The following CSMD1 variants were observed in gnomAD, a reference collection of about 807,000 sequenced individuals.
CSMD1 encodes the protein CUB and sushi domain-containing protein 1.
A neutral mutation model predicts 417.5 loss-of-function variants in CSMD1; 213 were observed. The observed-to-expected ratio is 0.51, with a 90% CI of 0.46 to 0.57. The LOEUF (loss-of-function observed/expected upper bound fraction) is 0.57. Among genes scored for constraint, CSMD1 ranks in the 20% least tolerant of loss-of-function variants. The pLI, the probability that CSMD1 is intolerant of heterozygous loss-of-function variation, is 0.00. For synonymous variants in CSMD1, 2,862 were observed against 1,736.8 expected (o/e 1.65, Z -16.11); for missense variants, 6,923 against 4,529.7 (o/e 1.53, Z -15.17).
chr8:4,956,241 C>G (rs1276913264), intron 1 of CSMD1, among the ~76,000 whole-genome samples: 1 of 138,446 alleles, frequency 7.2e-6, no homozygotes, highest in Admixed American at 7.0e-5. Flanking sequence ...GCCCTCCTTA[C>G]TCGCTATTTT....
At chr8:3,378,255 T>G (rs1403801054) in intron 18 of CSMD1, among the ~76,000 whole-genome samples, 1 of 152,116 alleles carries the variant, frequency 6.6e-6, no homozygotes, top group African/African-American at 2.4e-5. Flanking sequence ...AAGCAGTAAT[T>G]AATAGCCTAC....
At chr8:4,201,441 G>C (rs929336649) in intron 3 of CSMD1, among the ~76,000 whole-genome samples, 2 of 150,708 alleles carry the variant, frequency 1.3e-5, no homozygotes, top group East Asian at 2.0e-4. Context: ...AGGAGGCTGA[G>C]GCAGGAGAAT....
At position 4,739,438 on chromosome 8, in the gene CSMD1, G is replaced by C. The variant is rs530732433; in HGVS notation, c.86-101880C>G. ...ACCTCCCAACTCTCTACAATATAAA[G>C]AGAAAAGGTCATGTGAATATTATCT... is the stretch of plus-strand genomic sequence containing the variant. On this transcript the variant is annotated intron_variant, in intron 1 of 69. Transcript: ENST00000635120. 1.3e-4 allele frequency among the ~76,000 whole-genome samples: 20 copies of C among 152,276 alleles called. No individual in the cohort carries two copies. The South Asian group carries it at 3.9e-3, about 30-fold the overall frequency.
chr8:3,951,519 T>G (rs540181200), intron 5 of CSMD1, among the ~76,000 whole-genome samples: 1 of 152,164 alleles, frequency 6.6e-6, no homozygotes, highest in African/African-American at 2.4e-5. Context: ...GCCCCAGAAA[T>G]TAACCATGTA....
At chr8:3,186,164 G>GTGT (rs535913969) in intron 36 of CSMD1, among the ~76,000 whole-genome samples, 1 of 150,934 alleles carries the variant, frequency 6.6e-6, no homozygotes, top group Non-Finnish European at 1.5e-5. Context: ...ATTTTAACTT[G>GTGT]TGTTGTTGTT....
At chr8:4,015,983 A>T (rs547673513) in intron 4 of CSMD1, among the ~76,000 whole-genome samples, 55 of 152,314 alleles carry the variant, frequency 3.6e-4, no homozygotes, top group African/African-American at 1.3e-3. Flanking sequence ...GTAGAAAAGC[A>T]CCAAGTCAGA....
intron 5 of CSMD1, among the ~76,000 whole-genome samples, chr8:3,792,779 C>T (rs1799823090): frequency 6.6e-6 from 1 of 152,192 alleles, no homozygotes; most frequent in African/African-American, 2.4e-5. Flanking sequence ...CATGCTCTCT[C>T]TCACAATTTA....
intron 20 of CSMD1, among the ~76,000 whole-genome samples, chr8:3,360,706 C>G (rs1199378328): frequency 6.6e-6 from 1 of 152,086 alleles, no homozygotes; most frequent in African/African-American, 2.4e-5. Context: ...GAAAACTATG[C>G]TAATCTTTCT....
intron 49 of CSMD1, among the ~76,000 whole-genome samples, chr8:3,068,798 T>C (rs1366847649): frequency 1.3e-5 from 2 of 152,230 alleles, no homozygotes; most frequent in East Asian, 3.9e-4. Flanking sequence ...TCCACCCCCA[T>C]GATCCAAACA....
intron 1 of CSMD1, among the ~76,000 whole-genome samples, chr8:4,892,002 C>G (rs1379115110): frequency 6.6e-6 from 1 of 152,018 alleles, no homozygotes; most frequent in East Asian, 1.9e-4. Context: ...AGCTCTTAAA[C>G]ACTGTAATGA....
At chr8:4,461,579 A>G (rs1799822284) in intron 2 of CSMD1, among the ~76,000 whole-genome samples, 1 of 149,958 alleles carries the variant, frequency 6.7e-6, no homozygotes, top group Non-Finnish European at 1.5e-5. Flanking sequence ...TGGGGGATAC[A>G]TCATCCCGTT....
chr8:4,586,298 T>G (rs1799696544), intron 2 of CSMD1, among the ~76,000 whole-genome samples: 1 of 152,218 alleles, frequency 6.6e-6, no homozygotes, highest in Non-Finnish European at 1.5e-5. Context: ...CATTCCCAAT[T>G]TTTCCCCAGG....
chr8:3,405,102 G>C (rs184258462), intron 15 of CSMD1, among the ~76,000 whole-genome samples: 245 of 152,210 alleles, frequency 1.6e-3, no homozygotes, highest in Non-Finnish European at 1.5e-3. Flanking sequence ...GGAAATGCCA[G>C]TTTCTACATA....
chr8:4,968,572 C>G (rs531733091), intron 1 of CSMD1, among the ~76,000 whole-genome samples: 1 of 151,858 alleles, frequency 6.6e-6, no homozygotes, highest in African/African-American at 2.4e-5. Flanking sequence ...TTTTCCGGGC[C>G]TGAACCAAAG....
chr8:4,694,100 A>C (rs1266529130), intron 1 of CSMD1, among the ~76,000 whole-genome samples: 1 of 152,214 alleles, frequency 6.6e-6, no homozygotes, highest in Non-Finnish European at 1.5e-5. Context: ...CTTCTAAGAT[A>C]AAAATTGCTA....
chr8:4,411,888 C>A (rs545514826), intron 3 of CSMD1, among the ~76,000 whole-genome samples: 2 of 151,988 alleles, frequency 1.3e-5, no homozygotes, highest in South Asian at 4.2e-4. Flanking sequence ...ATGTACCATG[C>A]ACATCTTCTG....
intron 1 of CSMD1, among the ~76,000 whole-genome samples, chr8:4,988,929 G>A (rs1404007217): frequency 6.6e-6 from 1 of 151,972 alleles, no homozygotes; most frequent in Non-Finnish European, 1.5e-5. Context: ...TCCTGTAAAG[G>A]GAATTTTAAT....
At chr8:3,401,454 T>C (rs1039062361) in intron 15 of CSMD1, among the ~76,000 whole-genome samples, 5 of 152,182 alleles carry the variant, frequency 3.3e-5, no homozygotes, top group Admixed American at 6.5e-5. Context: ...CCTGATGAAA[T>C]AGACACTTTA....
chr8:4,696,780 A>G (rs1183834456), intron 1 of CSMD1, among the ~76,000 whole-genome samples: 1 of 152,230 alleles, frequency 6.6e-6, no homozygotes, highest in Non-Finnish European at 1.5e-5. Flanking sequence ...GAAGGACTGC[A>G]TCAGTGAATG....
Sources: allele counts gnomAD v4.1 joint callset (sites outside exome capture counted in the v4.1 genomes callset), GRCh38; gene constraint gnomAD v4.1.1; transcripts MANE v1.5; gene names NCBI Gene and HGNC (gene_info 2026-07-23, HGNC 2026-07-21).